The following ANKRD27 variants were observed in gnomAD, a reference collection of about 807,000 sequenced individuals.
ANKRD27 encodes ankyrin repeat domain 27, also known as ankyrin repeat domain-containing protein 27.
A neutral mutation model predicts 129.7 loss-of-function variants in ANKRD27; 112 were observed. That is an observed-to-expected ratio of 0.86 (90% CI 0.74 to 1.01). The LOEUF (loss-of-function observed/expected upper bound fraction) is 1.01. ANKRD27 is among the 50% of genes least tolerant of loss of function. The pLI, the probability that ANKRD27 is intolerant of heterozygous loss-of-function variation, is 0.00. For missense variants in ANKRD27, 1,258 were observed against 1,300.5 expected, an observed-to-expected ratio of 0.97 and a Z score of 0.50; for synonymous variants, 516 against 511.2, an observed-to-expected ratio of 1.01 and a Z score of -0.13.
At chr19:32,632,014 C>G (rs912375137) in intron 12 of ANKRD27, among the ~76,000 whole-genome samples, 4 of 152,232 alleles carry the variant, frequency 2.6e-5, no homozygotes, top group Admixed American at 6.5e-5. Context: ...CATGGCCAGG[C>G]GCAGTGGCTC....
chr19:32,647,657 A>C (rs1967328925), intron 3 of ANKRD27, among the ~76,000 whole-genome samples: 1 of 152,338 alleles, frequency 6.6e-6, no homozygotes, highest in Middle Eastern at 3.4e-3. Context: ...CACAAGACAC[A>C]CTGCTGTTTT....
At chr19:32,649,908 G>C in intron 2 of ANKRD27, 116 bp from the exon 3 acceptor site, 1 of 727,376 alleles carries the variant, frequency 1.4e-6, no homozygotes, top group Non-Finnish European at 2.5e-6. Flanking sequence ...CTGGCAGAGA[G>C]AACGCCCGAG....
At chr19:32,644,191 TAGAGAG>T (rs1967256738) in intron 5 of ANKRD27, 128 bp downstream of exon 5, 2 of 1,092,332 alleles carry the variant, frequency 1.8e-6, no homozygotes, top group South Asian at 1.6e-5. Context: ...CTTTTATAGT[TAGAGAG>T]AAACATTTTT....
At chr19:32,641,827 G>A (rs1005144718) in intron 10 of ANKRD27, among the ~76,000 whole-genome samples, 197 bp downstream of exon 10, 1 of 143,246 alleles carries the variant, frequency 7.0e-6, no homozygotes, top group Non-Finnish European at 1.5e-5. Context: ...TAGTGCACTG[G>A]TGTGATCATA....
intron 15 of ANKRD27, 118 bp downstream of exon 15, chr19:32,627,965 G>A (rs1048426591): frequency 1.4e-5 from 12 of 882,102 alleles, no homozygotes; most frequent in African/African-American, 3.4e-5. Context: ...GTGGACCCAC[G>A]ATGCAGCCCC....
intron 3 of ANKRD27, among the ~76,000 whole-genome samples, chr19:32,647,978 G>C (rs1163016112): frequency 6.6e-6 from 1 of 152,116 alleles, no homozygotes; most frequent in Non-Finnish European, 1.5e-5. Context: ...ATTTAAAAAG[G>C]ATCCAGGCCG....
At chr19:32,635,981 C>T (rs376462579) in intron 12 of ANKRD27, 9 of 152,574 alleles carry the variant, frequency 5.9e-5, no homozygotes, top group East Asian at 1.9e-4. Flanking sequence ...ACCTGTGACC[C>T]ACTGCCATGG....
intron 22 of ANKRD27, 82 bp from the exon 23 acceptor site, chr19:32,607,914 C>G (rs535863210): frequency 6.7e-6 from 9 of 1,343,546 alleles, no homozygotes; most frequent in African/African-American, 4.4e-5. Flanking sequence ...ATGTGCCCCC[C>G]ACAGCTCCCA....
chr19:32,641,903 G>A, intron 10 of ANKRD27, 121 bp downstream of exon 10: 1 of 1,240,394 alleles, frequency 8.1e-7, no homozygotes, highest in Non-Finnish European at 1.1e-6. Context: ...AAAGCACTGG[G>A]GTTACAGAGG....
intron 3 of ANKRD27, among the ~76,000 whole-genome samples, chr19:32,648,097 CT>C (rs1253695669): frequency 6.6e-6 from 1 of 152,098 alleles, no homozygotes; most frequent in African/African-American, 2.4e-5. Context: ...GAAACCCCGT[CT>C]CTATTAAAAA....
rs745583224 is a variant in ANKRD27 at position 32,644,402 on chromosome 19, C to T, written c.448G>A (p.Glu150Lys). 1.4e-5 allele frequency: 22 copies of T among 1,613,972 alleles called. No individual in the cohort carries two copies. In the African/African-American group the frequency reaches 1.9e-4, roughly 14 times the overall value. The change falls in exon 5 of 29, where the codon GAG (glutamate) becomes AAG (lysine). Residue 150 changes from glutamate to lysine, a missense_variant. By Grantham distance (56) the Glu-to-Lys change is moderately conservative (BLOSUM62 1). Coordinates refer to ENST00000306065, the MANE Select transcript of ANKRD27 (RefSeq NM_032139.3). Reference protein sequence around the residue: ...DVREFLGRHSERFDRNIASFH... With the variant: ...DVREFLGRHSKRFDRNIASFH... ...GAGGCGATGTTCCTGTCAAATCGCT[C>T]GGAGTGTCTTCCCAAGAACTCTCTC... is the stretch of plus-strand genomic sequence containing the variant.
Position 32,598,378 on chromosome 19 carries a change from G to A in ANKRD27, c.2920C>T (p.Pro974Ser), listed in dbSNP as rs746267119. 3 of 1,614,006 alleles carry A rather than the reference G, an allele frequency of 1.9e-6. No homozygotes were observed. In the East Asian group the frequency reaches 6.7e-5, roughly 36 times the overall value. Residue 974 changes from proline (P) to serine (S), a missense_variant and splice_region_variant, in exon 29 of 29, where the codon CCA becomes TCA. By Grantham distance (74) the Pro-to-Ser change is moderately conservative (BLOSUM62 -1). Coordinates refer to ENST00000306065, the MANE Select transcript of ANKRD27 (RefSeq NM_032139.3). ...PNLTEGSLHE[P>S]GRQSVTLRQN... is the part of the protein sequence containing the mutation. ...CTCAGTGTGACACTTTGCCTCCCTG[G>A]CTAAAGAAAAAGTACATTTTTAACC...
At chr19:32,650,350 G>C (rs554223408) in intron 2 of ANKRD27, among the ~76,000 whole-genome samples, 1 of 152,312 alleles carries the variant, frequency 6.6e-6, no homozygotes, top group East Asian at 1.9e-4. Context: ...TCAGGAGTTT[G>C]AGACCAGCCT....
intron 12 of ANKRD27, chr19:32,637,763 G>A (rs781359558): frequency 2.0e-5 from 3 of 152,404 alleles, no homozygotes; most frequent in Non-Finnish European, 4.4e-5. Flanking sequence ...CCGCAGGCTC[G>A]TAAGTGCCTG....
At chr19:32,644,600 C>T in intron 4 of ANKRD27, 121 bp from the exon 5 acceptor site, 1 of 1,154,452 alleles carries the variant, frequency 8.7e-7, no homozygotes. Context: ...CAAGACACTA[C>T]ACAAGAACAG....
chr19:32,660,721 G>A (rs1967627958), intron 1 of ANKRD27, among the ~76,000 whole-genome samples: 1 of 128,764 alleles, frequency 7.8e-6, no homozygotes, highest in South Asian at 2.5e-4. Context: ...CAGCCTGCAT[G>A]GGCTGAGATA....
At chr19:32,637,057 A>G (rs1307361563) in intron 12 of ANKRD27, among the ~76,000 whole-genome samples, 1 of 152,188 alleles carries the variant, frequency 6.6e-6, no homozygotes, top group Non-Finnish European at 1.5e-5. Context: ...CCAGCACACA[A>G]TATAATTTCA....
chr19:32,665,459 TTTG>T (rs1376294117), intron 1 of ANKRD27, among the ~76,000 whole-genome samples: 2 of 103,272 alleles, frequency 1.9e-5, no homozygotes, highest in Admixed American at 9.6e-5. Context: ...CAGGCTAATT[TTTG>T]TTTGTTTGTT....
At chr19:32,623,011 C>T (rs190580627) in intron 17 of ANKRD27, among the ~76,000 whole-genome samples, 2 of 150,320 alleles carry the variant, frequency 1.3e-5, no homozygotes, top group Admixed American at 1.3e-4. Context: ...AGGCAGGACT[C>T]AAACTCCTGG....
Sources: allele counts gnomAD v4.1 joint callset (sites outside exome capture counted in the v4.1 genomes callset), GRCh38; gene constraint gnomAD v4.1.1; transcripts MANE v1.5; gene names NCBI Gene and HGNC (gene_info 2026-07-23, HGNC 2026-07-21).